NISCH: variants seen among roughly 807,000 people sequenced by gnomAD.
NISCH encodes the protein nischarin, also known as I-1 receptor candidate protein.
Under a neutral mutation model 138.4 loss-of-function variants are expected in NISCH, and 55 were observed. That is an observed-to-expected ratio of 0.40 (90% confidence interval 0.32 to 0.50). The LOEUF (loss-of-function observed/expected upper bound fraction) is 0.50. NISCH is among the 20% of genes least tolerant of loss of function. The probability of loss-of-function intolerance (pLI) is 0.71; values close to 1 mark genes in which losing one functional copy is unlikely to be tolerated. For synonymous variants in NISCH, 860 were observed against 861.5 expected, an observed-to-expected ratio of 1.00 and a Z score of 0.03; for missense variants, 1,643 against 2,005.5, an observed-to-expected ratio of 0.82 and a Z score of 3.45.
intron 3 of NISCH, among the ~76,000 whole-genome samples, chr3:52,462,679 A>T (rs1706668691): frequency 6.6e-6 from 1 of 152,162 alleles, no homozygotes; most frequent in African/African-American, 2.4e-5. Context: ...CTTACTGGCC[A>T]GGCTGGAGTG....
rs374298617 is a variant in NISCH, at chr3:52,487,316, A to G, written c.1824A>G (p.Thr608=). The G allele has an allele frequency of 3.1e-6, 5 of 1,614,152 alleles. No individual in the cohort carries two copies. The highest frequency in any genetic ancestry group is 1.1e-5 in the South Asian group (1 of 91,088). ...AGGACTTCATCCAGCGCCTGAGCAC[A>G]CTGATCCGGCAGGCCATCGAGCGGC... is the stretch of plus-strand genomic sequence containing the variant. The part of the protein sequence containing the change: ...TNQDFIQRLS[T]LIRQAIERQL... Residue 608 remains threonine, a synonymous_variant, in exon 16 of 21, where the codon ACA becomes ACG. Coordinates refer to ENST00000345716, the MANE Select transcript of NISCH (RefSeq NM_007184.4). The surrounding 1 kb of genome is among the most constrained non-coding windows in gnomAD (Gnocchi z 9.1).
At position 52,489,367 on chromosome 3, in the gene NISCH, G is replaced by A; in HGVS notation, c.3145G>A (p.Glu1049Lys). ...NDQRPQEVPA[E>K]ALAPAPAEVP... The stretch of plus-strand genomic sequence containing the variant: ...CCAGCGTCCCCAGGAGGTCCCAGCA[G>A]AGGCTCTGGCCCCGGCCCCAGCGGA... Residue 1049 changes from glutamate (E) to lysine (K), a missense_variant, in exon 17 of 21, where the codon GAG (glutamate) becomes AAG (lysine). Physicochemically the swap from Glu to Lys is moderately conservative, Grantham distance 56. Coordinates refer to ENST00000345716, the MANE Select transcript of NISCH (RefSeq NM_007184.4). 1 of 1,611,928 alleles carries A rather than the reference G, an allele frequency of 6.2e-7. No individual in the cohort carries two copies. The highest frequency in any genetic ancestry group is 8.5e-7 in the Non-Finnish European group (1 of 1,179,046).
At chr3:52,486,716 C>A (rs1707411133) in intron 15 of NISCH, among the ~76,000 whole-genome samples, 1 of 152,226 alleles carries the variant, frequency 6.6e-6, no homozygotes. Context: ...TTACTAACTC[C>A]CACTCTACAT....
Position 52,489,337 on chromosome 3 carries a change from A to C in NISCH, c.3115A>C (p.Asn1039His). Residue 1039 changes from asparagine to histidine, a missense_variant and splice_region_variant, in exon 17 of 21, where the codon AAT becomes CAT. Coordinates refer to ENST00000345716, the MANE Select transcript of NISCH (RefSeq NM_007184.4). ...TATGGTGTTTTTCGGGGGATACAGC[A>C]ATGACCAGCGTCCCCAGGAGGTCCC... ...DGQPAERRAS[N>H]DQRPQEVPAE... The C allele has an allele frequency of 3.1e-6, 5 of 1,611,400 alleles. No individual in the cohort carries two copies. Among genetic ancestry groups the C allele is most frequent in the Non-Finnish European group, 4.2e-6 (5 of 1,179,142 alleles).
At position 52,490,245 on chromosome 3, in the gene NISCH, C is replaced by T. The variant is rs1170744328; in HGVS notation, c.3613+14C>T. 1 of 1,610,530 alleles carries T rather than the reference C, an allele frequency of 6.2e-7. No individual in the cohort carries two copies. Among genetic ancestry groups the T allele is most frequent in the Admixed American group, 1.7e-5 (1 of 59,988 alleles). On this transcript the variant is annotated intron_variant, in intron 18 of 20. Transcript: ENST00000345716. The stretch of plus-strand genomic sequence containing the variant: ...AGCCACTGCAGGGTAGGCACAGGGC[C>T]TGCTGGGGCTCAGGAGCTTGGAGTG...
At chr3:52,477,446 C>T (rs1707129221) in intron 8 of NISCH, 128 bp from the exon 9 acceptor site, 2 of 727,222 alleles carry the variant, frequency 2.8e-6, no homozygotes, top group South Asian at 1.6e-5. Context: ...ACCAGTGGTC[C>T]TGCAGGGACG....
chr3:52,487,361 G>A lies in NISCH; in HGVS notation c.1869G>A (p.Glu623=), dbSNP rs1252755444. The change falls in exon 16 of 21, where the codon GAG becomes GAA. Residue 623 remains glutamate (E), a synonymous_variant. Transcript: ENST00000345716. This position sits in a 1 kb window ranked among gnomAD's most constrained non-coding sequence, Gnocchi z 9.1. ...AGCGGCAGCTGCCTGCCTGGATCGAGGCTGCCAACCAGCGGGAGGAGGGCC... is the reference window on the plus strand; with the variant it reads ...AGCGGCAGCTGCCTGCCTGGATCGAAGCTGCCAACCAGCGGGAGGAGGGCC... ...AIERQLPAWI[E]AANQREEGQG... is the part of the protein sequence containing the mutation. The A allele has an allele frequency of 1.2e-6, 2 of 1,614,128 alleles. No homozygotes were observed. Among genetic ancestry groups the A allele is most frequent in the Non-Finnish European group, 1.7e-6 (2 of 1,180,032 alleles).
intron 3 of NISCH, among the ~76,000 whole-genome samples, chr3:52,460,924 A>G (rs187667978): frequency 6.6e-6 from 1 of 152,336 alleles, no homozygotes; most frequent in Non-Finnish European, 1.5e-5. Context: ...TATGGTCCTA[A>G]AAGCCCAGCT....
intron 11 of NISCH, among the ~76,000 whole-genome samples, chr3:52,479,107 G>T (rs1707190709): frequency 6.6e-6 from 1 of 152,096 alleles, no homozygotes; most frequent in Admixed American, 6.5e-5. Flanking sequence ...CCTCTTTGTG[G>T]CCGCAAGTGC....
chr3:52,473,990 C>T (rs1707026623), intron 7 of NISCH, among the ~76,000 whole-genome samples, 161 bp downstream of exon 7: 1 of 152,210 alleles, frequency 6.6e-6, no homozygotes, highest in Non-Finnish European at 1.5e-5. Context: ...GGCCTCCCAG[C>T]ACTTGACAGC....
At chr3:52,474,318 A>G (rs1707037478) in intron 7 of NISCH, among the ~76,000 whole-genome samples, 1 of 149,568 alleles carries the variant, frequency 6.7e-6, no homozygotes, top group South Asian at 2.1e-4. Flanking sequence ...GTTTTTTGAG[A>G]CAGAGTTTTG....
intron 6 of NISCH, among the ~76,000 whole-genome samples, chr3:52,472,797 C>T (rs1229428989): frequency 1.3e-5 from 2 of 152,258 alleles, no homozygotes; most frequent in African/African-American, 4.8e-5. Context: ...AGATGCCCTG[C>T]CCTCTGGGGC....
chr3:52,462,306 GT>G (rs1706657843), intron 3 of NISCH, among the ~76,000 whole-genome samples: 1 of 152,206 alleles, frequency 6.6e-6, no homozygotes, highest in Non-Finnish European at 1.5e-5. Context: ...CCCATGCATT[GT>G]TTAGCAGCAC....
At chr3:52,460,162 CAG>C (rs1163051655) in intron 3 of NISCH, among the ~76,000 whole-genome samples, 99 of 105,584 alleles carry the variant, frequency 9.4e-4, no homozygotes, top group African/African-American at 3.6e-3. Context: ...GCCTGGGCAA[CAG>C]AGTGAGAGTA....
At chr3:52,476,684 G>C (rs1458599707) in intron 8 of NISCH, 85 bp downstream of exon 8, 1 of 1,363,402 alleles carries the variant, frequency 7.3e-7, no homozygotes, top group East Asian at 2.4e-5. Context: ...TTTTTAGGAA[G>C]GACCACGGAA....
intron 16 of NISCH, among the ~76,000 whole-genome samples, chr3:52,489,008 C>G (rs1707489366): frequency 6.6e-6 from 1 of 152,174 alleles, no homozygotes; most frequent in South Asian, 2.1e-4. Flanking sequence ...ACTACCTCCT[C>G]CAGGGTCACA....
rs1387069985 is a variant in NISCH, at chr3:52,487,169, C to T, written c.1704-27C>T. On this transcript the variant is annotated intron_variant, in intron 15 of 20. Coordinates refer to ENST00000345716, the MANE Select transcript of NISCH (RefSeq NM_007184.4). This position sits in a 1 kb window ranked among gnomAD's most constrained non-coding sequence, Gnocchi z 9.1. Reference sequence around the variant, plus strand: ...GGTGGGAGGGGCCCCTCCCAGCATGCCACTGACCTGGCCTCTCCCTGCACA... The same window carrying T: ...GGTGGGAGGGGCCCCTCCCAGCATGTCACTGACCTGGCCTCTCCCTGCACA... 1 of 1,593,100 alleles carries T rather than the reference C, an allele frequency of 6.3e-7. No individual in the cohort carries two copies.
intron 18 of NISCH, 51 bp from the exon 19 acceptor site, chr3:52,490,654 C>A (rs775814057): frequency 6.2e-7 from 1 of 1,612,668 alleles, no homozygotes; most frequent in Admixed American, 1.7e-5. Context: ...CACCTAGGAA[C>A]CTTGTGCTTG....
Position 52,471,930 on chromosome 3 carries a change from G to A in NISCH, c.526G>A (p.Asp176Asn), listed in dbSNP as rs1407976197. 9 of 1,611,194 alleles carry A rather than the reference G, an allele frequency of 5.6e-6. No homozygotes were observed. The highest frequency in any genetic ancestry group is 2.2e-5 in the South Asian group (2 of 90,886). ...GTGCGCCAGTGGGGATGCCAAGACC[G>A]ACCTCGGGCACATCCTGGACTTCAC... Reference protein sequence around the residue: ...PTCASGDAKTDLGHILDFTCR... With the variant: ...PTCASGDAKTNLGHILDFTCR... The change falls in exon 5 of 21, where the codon GAC (aspartate) becomes AAC (asparagine). Residue 176 changes from aspartate (D) to asparagine (N), a missense_variant. Transcript: ENST00000345716.
Sources: allele counts gnomAD v4.1 joint callset (sites outside exome capture counted in the v4.1 genomes callset), GRCh38; gene constraint gnomAD v4.1.1; non-coding constraint Gnocchi (gnomAD v3.1); transcripts MANE v1.5; gene names NCBI Gene and HGNC (gene_info 2026-07-23, HGNC 2026-07-21).